The following STOX2 variants were observed in gnomAD, a reference collection of about 807,000 sequenced individuals.
The protein encoded by STOX2 is storkhead box 2.
In STOX2, 28 loss-of-function variants were observed where a neutral mutation model predicts 60.9. The ratio of observed to expected loss-of-function variants is 0.46; its 90% confidence interval spans 0.34 to 0.63. The LOEUF is 0.63. Among genes scored for constraint, STOX2 ranks in the 30% least tolerant of loss-of-function variants. The pLI, the probability that STOX2 is intolerant of heterozygous loss-of-function variation, is 0.01. For missense variants in STOX2, 1,024 were observed against 1,187.7 expected (o/e 0.86, Z 2.03); for synonymous variants, 472 against 463.9 (o/e 1.02, Z -0.22).
intron 1 of STOX2, among the ~76,000 whole-genome samples, chr4:183,947,701 C>T (rs560583435): frequency 6.6e-6 from 1 of 152,272 alleles, no homozygotes; most frequent in East Asian, 1.9e-4. Flanking sequence ...ACACACCTCC[C>T]CTTCCTCCTT....
chr4:183,903,027 G>A (rs1006774967), upstream of STOX2, among the ~76,000 whole-genome samples: 10 of 152,178 alleles, frequency 6.6e-5, no homozygotes, highest in African/African-American at 2.2e-4. Context: ...AATCAAGTGC[G>A]ATTCAAACTT....
At chr4:183,852,880 G>T (rs1347170637) in intron 1 of STOX2, among the ~76,000 whole-genome samples, 1 of 152,178 alleles carries the variant, frequency 6.6e-6, no homozygotes. Context: ...GTGATTGTAG[G>T]GTATGGGTGT....
intron 2 of STOX2, among the ~76,000 whole-genome samples, chr4:184,005,844 TG>T (rs1733802070): frequency 6.6e-6 from 1 of 152,150 alleles, no homozygotes; most frequent in African/African-American, 2.4e-5. Flanking sequence ...GCATGGAAAA[TG>T]GCTTGGACAG....
chr4:183,911,703 G>A (rs531510157), intron 1 of STOX2, among the ~76,000 whole-genome samples: 9 of 152,198 alleles, frequency 5.9e-5, no homozygotes, highest in Admixed American at 2.6e-4. Flanking sequence ...CCTACACCCC[G>A]GAGAATTAGG....
At chr4:183,976,772 C>T (rs1046658440) in intron 1 of STOX2, among the ~76,000 whole-genome samples, 3 of 152,176 alleles carry the variant, frequency 2.0e-5, no homozygotes, top group South Asian at 2.1e-4. Flanking sequence ...CTAATACCCT[C>T]CCTTTAAGAC....
chr4:183,940,623 G>A (rs6552724), intron 1 of STOX2, among the ~76,000 whole-genome samples: 12,254 of 152,128 alleles, frequency 0.081, 953 homozygotes, highest in East Asian at 0.45. Context: ...TTTGAAACTC[G>A]AAGATAAGCC....
intron 1 of STOX2, among the ~76,000 whole-genome samples, chr4:183,814,128 T>C (rs1739098524): frequency 6.6e-6 from 1 of 152,226 alleles, no homozygotes; most frequent in Admixed American, 6.5e-5. Flanking sequence ...AAATTGCATA[T>C]AATCTAAATG....
upstream of STOX2, among the ~76,000 whole-genome samples, chr4:183,904,266 C>G (rs1741529141): frequency 6.6e-6 from 1 of 152,200 alleles, no homozygotes; most frequent in African/African-American, 2.4e-5. Context: ...GCTAATGGGC[C>G]GAGGACTAGA....
intron 1 of STOX2, among the ~76,000 whole-genome samples, chr4:183,974,619 C>G (rs182642476): frequency 6.6e-6 from 1 of 151,954 alleles, no homozygotes; most frequent in African/African-American, 2.4e-5. Context: ...TAAAGAAGAA[C>G]ATTACATAAA....
upstream of STOX2, among the ~76,000 whole-genome samples, chr4:183,900,553 G>C (rs1011020250): frequency 6.6e-6 from 1 of 152,176 alleles, no homozygotes. Flanking sequence ...GGTCTTTAAT[G>C]AATGTTCCGT....
intron 1 of STOX2, among the ~76,000 whole-genome samples, chr4:183,927,286 A>G (rs1012930296): frequency 2.6e-5 from 4 of 152,204 alleles, no homozygotes; most frequent in Non-Finnish European, 5.9e-5. Flanking sequence ...TCTGTGTCTC[A>G]TGTGTAAAAT....
chr4:183,858,077 C>T (rs1327644203), intron 1 of STOX2, among the ~76,000 whole-genome samples: 1 of 152,170 alleles, frequency 6.6e-6, no homozygotes, highest in African/African-American at 2.4e-5. Context: ...CTCCCCAGCA[C>T]AGCTGGAAGG....
intron 1 of STOX2, among the ~76,000 whole-genome samples, chr4:183,939,314 T>C (rs1332096354): frequency 6.6e-6 from 1 of 152,204 alleles, no homozygotes; most frequent in Non-Finnish European, 1.5e-5. Flanking sequence ...TGACTCCAAG[T>C]CCTCCTTCGT....
chr4:184,002,119 TC>T (rs1337836308), intron 2 of STOX2, among the ~76,000 whole-genome samples: 1 of 152,142 alleles, frequency 6.6e-6, no homozygotes, highest in African/African-American at 2.4e-5. Context: ...CAAATGGAGA[TC>T]CTGCCAGAGT....
Position 184,011,548 on chromosome 4 carries a change from G to A in STOX2, c.2585+125G>A, listed in dbSNP as rs758225362. 1.3e-6 allele frequency: 2 copies of A among 1,560,720 alleles called. No homozygotes were observed. Among genetic ancestry groups the A allele is most frequent in the Non-Finnish European group, 8.7e-7 (1 of 1,154,990 alleles). On this transcript the variant is annotated intron_variant, in intron 3 of 3. Coordinates refer to ENST00000308497, the MANE Select transcript of STOX2 (RefSeq NM_020225.3). The surrounding 1 kb of genome is among the most constrained non-coding windows in gnomAD (Gnocchi z 4.4). ...TGGATGAGGGTTAAGAGTTGTATGA[G>A]TTGTATTGTTAACAATCTGTTTCTG...
chr4:183,951,289 C>T (rs1743082674), intron 1 of STOX2, among the ~76,000 whole-genome samples: 1 of 151,290 alleles, frequency 6.6e-6, no homozygotes, highest in Non-Finnish European at 1.5e-5. Flanking sequence ...CCTTGAGGCA[C>T]TTTAGGAGCT....
intron 1 of STOX2, among the ~76,000 whole-genome samples, chr4:183,871,956 A>G (rs1182277871): frequency 6.6e-6 from 1 of 152,224 alleles, no homozygotes; most frequent in African/African-American, 2.4e-5. Context: ...TTTGCGCCTC[A>G]TATATTAATG....
chr4:183,925,994 C>T (rs758088993), intron 1 of STOX2, among the ~76,000 whole-genome samples: 2 of 152,052 alleles, frequency 1.3e-5, no homozygotes, highest in Non-Finnish European at 2.9e-5. Context: ...ATCCCATCAT[C>T]GCCAAACTCC....
rs181113708 is a variant in STOX2, at chr4:183,869,286, G to C, written c.364+71231G>C. On this transcript the variant is annotated intron_variant, in intron 1 of 2. Transcript: ENST00000513034. Reference sequence around the variant, plus strand: ...CTTAATAAAGCTGTCAGAATTGTTCGATGGGCCTAGAAACTGACTGTCATT... The same window carrying C: ...CTTAATAAAGCTGTCAGAATTGTTCCATGGGCCTAGAAACTGACTGTCATT... 4.6e-5 allele frequency among the ~76,000 whole-genome samples: 7 copies of C among 152,256 alleles called. No homozygotes were observed. The East Asian group carries it at 1.4e-3, about 29-fold the overall frequency.
Sources: allele counts gnomAD v4.1 joint callset (sites outside exome capture counted in the v4.1 genomes callset), GRCh38; gene constraint gnomAD v4.1.1; non-coding constraint Gnocchi (gnomAD v3.1); transcripts MANE v1.5; gene names NCBI Gene and HGNC (gene_info 2026-07-23, HGNC 2026-07-21).